GABRG3: variants seen among roughly 807,000 people sequenced by gnomAD.
The protein encoded by GABRG3 is gamma-aminobutyric acid receptor subunit gamma-3.
Under a neutral mutation model 48.8 loss-of-function variants are expected in GABRG3, and 25 were observed. That is an observed-to-expected ratio of 0.51 (90% CI 0.37 to 0.72). The LOEUF is 0.72. Ranked by LOEUF, GABRG3 falls within the 30% of genes least tolerant of loss-of-function variation. The probability of loss-of-function intolerance (pLI) is 0.00; values close to 1 mark genes in which losing one functional copy is unlikely to be tolerated. For synonymous variants in GABRG3, 227 were observed against 217.6 expected (o/e 1.04, Z -0.38); for missense variants, 394 against 577.9 (o/e 0.68, Z 3.26).
chr15:27,227,559 C>A (rs1352586076), intron 3 of GABRG3, among the ~76,000 whole-genome samples: 1 of 152,112 alleles, frequency 6.6e-6, no homozygotes, highest in African/African-American at 2.4e-5. Context: ...TGGTGGCATG[C>A]ACCTGTAGTC....
At chr15:27,037,958 C>A (rs560866858) in intron 3 of GABRG3, among the ~76,000 whole-genome samples, 2 of 152,200 alleles carry the variant, frequency 1.3e-5, no homozygotes, top group African/African-American at 4.8e-5. Flanking sequence ...GCCCTCACCC[C>A]GTCCCCAGCA....
intron 6 of GABRG3, among the ~76,000 whole-genome samples, chr15:27,487,515 A>G (rs993981682): frequency 3.3e-5 from 5 of 152,184 alleles, no homozygotes; most frequent in Non-Finnish European, 7.3e-5. Context: ...AGACCCTCTC[A>G]TTCTGAGGCC....
At chr15:27,241,352 T>C (rs1890122034) in intron 3 of GABRG3, among the ~76,000 whole-genome samples, 1 of 152,240 alleles carries the variant, frequency 6.6e-6, no homozygotes, top group Non-Finnish European at 1.5e-5. Context: ...ACCTTTTTAA[T>C]TGACCAAGTT....
intron 5 of GABRG3, among the ~76,000 whole-genome samples, chr15:27,367,117 A>G (rs1236279863): frequency 1.3e-5 from 2 of 152,088 alleles, no homozygotes; most frequent in African/African-American, 2.4e-5. Context: ...ACTAGCCAGG[A>G]CCCACTGCCC....
chr15:27,040,098 C>T lies in GABRG3; in HGVS notation c.270+13277C>T, dbSNP rs902473380. ...TGGCAGTTGGTGGTGCCTCGCAGCA[C>T]GGGATGGCAGAGAAGGGCTGGGCCT... On this transcript the variant is annotated intron_variant, in intron 3 of 9. Transcript: ENST00000615808. Among the ~76,000 whole-genome samples, 18 of 152,248 alleles carry T rather than the reference C, an allele frequency of 1.2e-4. 3 individuals carry two copies. Among genetic ancestry groups the T allele is most frequent in the Admixed American group, 9.2e-4 (14 of 15,286 alleles).
intron 2 of GABRG3, among the ~76,000 whole-genome samples, chr15:27,018,426 T>C (rs138269116): frequency 1.6e-4 from 24 of 152,326 alleles, no homozygotes; most frequent in African/African-American, 5.8e-4. Context: ...ATATTTTATA[T>C]GAATGTGCAA....
chr15:27,171,577 G>T (rs190206268), intron 3 of GABRG3, among the ~76,000 whole-genome samples: 18,760 of 149,812 alleles, frequency 0.13, 1,486 homozygotes, highest in African/African-American at 0.2. Context: ...TATATATATA[G>T]AGAGAGAGAG....
chr15:27,433,940 T>A (rs1268182320), intron 5 of GABRG3, among the ~76,000 whole-genome samples: 1 of 152,200 alleles, frequency 6.6e-6, no homozygotes, highest in Admixed American at 6.5e-5. Context: ...CTAGCAAATG[T>A]TTACCTCCCC....
chr15:27,359,768 A>G (rs1382918024), intron 5 of GABRG3, among the ~76,000 whole-genome samples: 3 of 151,756 alleles, frequency 2.0e-5, no homozygotes, highest in Non-Finnish European at 2.9e-5. Context: ...TTCTATTTTC[A>G]TGCATCTTCC....
chr15:27,088,080 TGTGA>T lies in GABRG3; in HGVS notation c.270+61263_270+61266del, dbSNP rs532399791. On this transcript the variant is annotated intron_variant, in intron 3 of 9. Coordinates refer to ENST00000615808, the MANE Select transcript of GABRG3 (RefSeq NM_033223.5). ...TGTGTGTGGTGTGCTGCAGTGTGTG[TGTGA>T]GTGTGTGTGATGTGCCGTGGTTGTG... Among the ~76,000 whole-genome samples, 548 of 151,006 alleles carry T rather than the reference TGTGA, an allele frequency of 3.6e-3. 1 individual carries two copies. The highest frequency in any genetic ancestry group is 0.011 in the African/African-American group (449 of 41,040).
chr15:27,001,217 G>T (rs924273633), intron 2 of GABRG3, among the ~76,000 whole-genome samples: 3 of 152,208 alleles, frequency 2.0e-5, no homozygotes, highest in African/African-American at 4.8e-5. Context: ...TCTGATTTTT[G>T]ATTGTTTCAA....
intron 3 of GABRG3, among the ~76,000 whole-genome samples, chr15:27,074,633 T>C (rs1035889482): frequency 2.0e-5 from 3 of 150,482 alleles, no homozygotes; most frequent in Admixed American, 1.3e-4. Context: ...ATATATTCCA[T>C]AGCATTTACT....
At chr15:27,170,265 A>G (rs990604687) in intron 3 of GABRG3, among the ~76,000 whole-genome samples, 2 of 152,232 alleles carry the variant, frequency 1.3e-5, no homozygotes, top group Non-Finnish European at 2.9e-5. Context: ...TGTGACAGCA[A>G]TAGCCCAGAG....
chr15:27,184,246 G>A (rs1888022878), intron 3 of GABRG3, among the ~76,000 whole-genome samples: 1 of 152,198 alleles, frequency 6.6e-6, no homozygotes, highest in African/African-American at 2.4e-5. Flanking sequence ...TCATGCAGGT[G>A]CCTCTGCTGC....
intron 5 of GABRG3, chr15:27,365,002 A>G (rs1895144548): frequency 1.3e-5 from 2 of 152,114 alleles, no homozygotes; most frequent in African/African-American, 2.4e-5. Flanking sequence ...ATATTTTACC[A>G]CCCAAAGATG....
At chr15:27,392,581 T>C (rs926902375) in intron 5 of GABRG3, among the ~76,000 whole-genome samples, 13 of 152,212 alleles carry the variant, frequency 8.5e-5, no homozygotes, top group Non-Finnish European at 1.5e-4. Context: ...CCTGTAAAGT[T>C]ATTCCCTTCA....
rs1487538062 is a variant in GABRG3 at position 26,996,374 on chromosome 15, T to G, written c.202+19224T>G. ...TGTTTACTTTTCAGAGATAGTCTTT[T>G]TATATTAATCACTTTGAATATGCAG... On this transcript the variant is annotated intron_variant, in intron 2 of 9. Transcript: ENST00000615808. 4.6e-5 allele frequency among the ~76,000 whole-genome samples: 7 copies of G among 152,060 alleles called. No homozygotes were observed. In the East Asian group the frequency reaches 1.4e-3, roughly 29 times the overall value.
chr15:27,055,396 C>CTTT (rs1182872834), intron 3 of GABRG3, among the ~76,000 whole-genome samples: 2 of 152,114 alleles, frequency 1.3e-5, no homozygotes, highest in African/African-American at 4.8e-5. Context: ...TTTAGGAAGT[C>CTTT]AAAAGGAGAT....
chr15:27,218,387 T>C lies in GABRG3; in HGVS notation c.271-108422T>C, dbSNP rs144047320. Among the ~76,000 whole-genome samples the C allele has an allele frequency of 4.4e-3, 671 of 152,288 alleles. 6 individuals carry two copies. The highest frequency in any genetic ancestry group is 0.015 in the African/African-American group (635 of 41,564). On this transcript the variant is annotated intron_variant, in intron 3 of 9. Coordinates refer to ENST00000615808, the MANE Select transcript of GABRG3 (RefSeq NM_033223.5). ...CATTTCTCAGAATTTTATGCTCTTA[T>C]TCAGAAAAGGGGAATTCTGAGAAGG...
Sources: gnomAD v4.1 joint callset for allele counts (sites outside exome capture counted in the v4.1 genomes callset) on GRCh38, gnomAD v4.1.1 for gene constraint, MANE v1.5 for transcripts, NCBI Gene and HGNC (gene_info 2026-07-23, HGNC 2026-07-21) for gene names.